The following DNHD1 variants were observed in gnomAD, a reference collection of about 807,000 sequenced individuals.
The protein encoded by DNHD1 is dynein heavy chain domain-containing protein 1.
In DNHD1, 383 loss-of-function variants were observed where a neutral mutation model predicts 458.1. The ratio of observed to expected loss-of-function variants is 0.84; its 90% confidence interval spans 0.77 to 0.91. The LOEUF (loss-of-function observed/expected upper bound fraction) is 0.91. Among genes scored for constraint, DNHD1 ranks in the 40% least tolerant of loss-of-function variants. The pLI, the probability that DNHD1 is intolerant of heterozygous loss-of-function variation, is 0.00. For missense variants in DNHD1, 5,336 were observed against 5,866.1 expected, an observed-to-expected ratio of 0.91 and a Z score of 2.95; for synonymous variants, 2,203 against 2,376.9, an observed-to-expected ratio of 0.93 and a Z score of 2.13.
At position 6,563,060 on chromosome 11, in the gene DNHD1, G is replaced by A; in HGVS notation, c.9598G>A (p.Glu3200Lys). The change falls in exon 29 of 43, where the codon GAG becomes AAG. Residue 3200 changes from glutamate to lysine, a missense_variant. Glu to Lys is a moderately conservative substitution (Grantham distance 56, BLOSUM62 1). Transcript: ENST00000254579. ...GCAGCTGGAAGAGTGTCGGCATCAA[G>A]AGAACCTCATTGAGAACCTGGCCAG... The part of the protein sequence containing the change: ...KQQLEECRHQ[E>K]NLIENLARQR... 6.4e-7 allele frequency: 1 copy of A among 1,551,642 alleles called. No homozygotes were observed. The highest frequency in any genetic ancestry group is 1.2e-5 in the South Asian group (1 of 84,060).
rs1001587743 is a variant in DNHD1, at chr11:6,563,875, C to G, written c.10035C>G (p.Pro3345=). Residue 3345 remains proline, a synonymous_variant, in exon 31 of 43, where the codon CCC becomes CCG. Coordinates refer to ENST00000254579, the MANE Select transcript of DNHD1 (RefSeq NM_144666.3). ...GGCTGGCGCATTGCCGGGGACTGCC[C>G]ACGGACCTGCTGCTGCAGCAAGTGG... The part of the protein sequence containing the change: ...HYGLAHCRGL[P]TDLLLQQVEA... The G allele has an allele frequency of 1.9e-6, 3 of 1,551,588 alleles. No individual in the cohort carries two copies. In the African/African-American group the frequency reaches 4.1e-5, roughly 21 times the overall value.
intron 7 of DNHD1, among the ~76,000 whole-genome samples, chr11:6,516,807 C>G: frequency 6.6e-6 from 1 of 152,034 alleles, no homozygotes; most frequent in African/African-American, 2.4e-5. Context: ...ATCGTTCTCC[C>G]AAGCAGAATA....
chr11:6,520,160 T>TAATC, intron 9 of DNHD1, 58 bp downstream of exon 9: 1 of 1,612,606 alleles, frequency 6.2e-7, no homozygotes, highest in South Asian at 1.1e-5. Flanking sequence ...ATCCTCTGAG[T>TAATC]AATCAGAAGC....
intron 19 of DNHD1, among the ~76,000 whole-genome samples, 159 bp downstream of exon 19, chr11:6,544,405 A>G (rs1417748927): frequency 6.6e-6 from 1 of 152,158 alleles, no homozygotes; most frequent in African/African-American, 2.4e-5. Flanking sequence ...TCAGGTTTTT[A>G]TTCACAGTGA....
At chr11:6,539,831 C>G (rs371127630) in intron 17 of DNHD1, 45 bp from the exon 18 acceptor site, 1 of 1,532,146 alleles carries the variant, frequency 6.5e-7, no homozygotes, top group Non-Finnish European at 8.9e-7. Context: ...AGCCTGTCCC[C>G]GAAGCAGTTA....
In DNHD1 at chr11:6,545,343, T is replaced by C; in HGVS notation, c.4404T>C (p.Ala1468=). The change falls in exon 21 of 43, where the codon GCT becomes GCC. Residue 1468 remains alanine, a synonymous_variant. Coordinates refer to ENST00000254579, the MANE Select transcript of DNHD1 (RefSeq NM_144666.3). The surrounding 1 kb of genome is among the most constrained non-coding windows in gnomAD (Gnocchi z 4.9). ...TGCACATGCTGCAGGGCTGTGTGGC[T>C]GCTCGCCTTGCTCGAGGCCCATCTC... The part of the protein sequence containing the change: ...ALVHMLQGCV[A]ARLARGPSLG... The C allele has an allele frequency of 1.3e-6, 2 of 1,551,768 alleles. No homozygotes were observed. The highest frequency in any genetic ancestry group is 1.7e-6 in the Non-Finnish European group (2 of 1,147,004).
rs549943831 is a variant in DNHD1, at chr11:6,555,607, C to G, written c.7388-1076C>G. Among the ~76,000 whole-genome samples the G allele has an allele frequency of 5.3e-5, 8 of 152,246 alleles. No homozygotes were observed. The East Asian group carries it at 1.4e-3, about 26-fold the overall frequency. ...TGGGGGCTCTCAGAAAAATACTACTCAGGAATAAAATGGAACAAACTAAGG... is the reference window on the plus strand; with the variant it reads ...TGGGGGCTCTCAGAAAAATACTACTGAGGAATAAAATGGAACAAACTAAGG... On this transcript the variant is annotated intron_variant, in intron 24 of 42. Coordinates refer to ENST00000254579, the MANE Select transcript of DNHD1 (RefSeq NM_144666.3).
chr11:6,532,433 A>G (rs972098010), intron 12 of DNHD1, among the ~76,000 whole-genome samples: 6 of 152,164 alleles, frequency 3.9e-5, no homozygotes, highest in African/African-American at 1.4e-4. Context: ...TCTTTACTTT[A>G]ATCCTTAAAA....
chr11:6,522,049 A>T (rs570955389), intron 10 of DNHD1, among the ~76,000 whole-genome samples: 117 of 152,254 alleles, frequency 7.7e-4, no homozygotes, highest in Middle Eastern at 3.4e-3. Context: ...TAAATTCTTT[A>T]AAAAAATTAA....
At chr11:6,512,376 A>G (rs1852359299) in intron 7 of DNHD1, among the ~76,000 whole-genome samples, 1 of 129,158 alleles carries the variant, frequency 7.7e-6, no homozygotes, top group South Asian at 2.1e-4. Context: ...ACCCACCACC[A>G]TGCCCGGCTA....
At chr11:6,561,734 A>C (rs1349645547) in intron 28 of DNHD1, among the ~76,000 whole-genome samples, 1 of 152,236 alleles carries the variant, frequency 6.6e-6, no homozygotes, top group Non-Finnish European at 1.5e-5. Context: ...TTGATGCCTG[A>C]AAGTTAGGTC....
intron 7 of DNHD1, 94 bp downstream of exon 7, chr11:6,511,523 T>C (rs1852335671): frequency 4.7e-6 from 7 of 1,496,890 alleles, no homozygotes; most frequent in East Asian, 2.3e-5. Flanking sequence ...TGGAATCCAC[T>C]GTATGACCTG....
chr11:6,531,253 A>G (rs1184449822), intron 12 of DNHD1, among the ~76,000 whole-genome samples: 1 of 152,168 alleles, frequency 6.6e-6, no homozygotes, highest in East Asian at 1.9e-4. Flanking sequence ...GCGTAATTAT[A>G]CACTCTGACG....
chr11:6,520,340 G>C (rs370025723), intron 10 of DNHD1, 51 bp downstream of exon 10: 4 of 1,551,360 alleles, frequency 2.6e-6, no homozygotes. Flanking sequence ...GAGGGAAAGG[G>C]CACAAGTACT....
At chr11:6,504,977 C>G (rs1268820047) in intron 4 of DNHD1, among the ~76,000 whole-genome samples, 1 of 151,906 alleles carries the variant, frequency 6.6e-6, no homozygotes, top group Non-Finnish European at 1.5e-5. Flanking sequence ...ACCACAGGTG[C>G]CTACAACCAT....
rs1224421093 is a variant in DNHD1 at position 6,498,763 on chromosome 11, C to T, written c.548C>T (p.Thr183Ile). The T allele has an allele frequency of 1.2e-6, 2 of 1,614,062 alleles. No individual in the cohort carries two copies. Among genetic ancestry groups the T allele is most frequent in the African/African-American group, 2.7e-5 (2 of 74,944 alleles). Residue 183 changes from threonine to isoleucine, a missense_variant, in exon 3 of 43, where the codon ACC (threonine) becomes ATC (isoleucine). Thr to Ile is a moderately conservative substitution (Grantham distance 89). Coordinates refer to ENST00000254579, the MANE Select transcript of DNHD1 (RefSeq NM_144666.3). ...CAGCAAGTAAAGGAGGAGCTGGCCACCTGGCTGCGACCATTGACACTGCCT... is the reference window on the plus strand; with the variant it reads ...CAGCAAGTAAAGGAGGAGCTGGCCATCTGGCTGCGACCATTGACACTGCCT... ...SRQQVKEELA[T>I]WLRPLTLPEL... is the part of the protein sequence containing the mutation.
At position 6,557,333 on chromosome 11, in the gene DNHD1, T is replaced by C; in HGVS notation, c.8038T>C (p.Phe2680Leu). 6.4e-7 allele frequency: 1 copy of C among 1,551,506 alleles called. No homozygotes were observed. The highest frequency in any genetic ancestry group is 1.2e-5 in the South Asian group (1 of 84,054). ...KLLLVVAQSV[F>L]CCGPGPQHLG... is the part of the protein sequence containing the mutation. ...GCTCCTAGTAGTAGCTCAAAGTGTC[T>C]TCTGCTGTGGGCCAGGGCCCCAGCA... Residue 2680 changes from phenylalanine (F) to leucine (L), a missense_variant, in exon 25 of 43, where the codon TTC becomes CTC. By Grantham distance (22) the Phe-to-Leu change is conservative. Transcript: ENST00000254579.
rs367958360 is a variant in DNHD1 at position 6,510,088 on chromosome 11, A to ATTT, written c.1235+827_1235+829dup. ...TTCAACCAAATTTTAACTCAAAAGA[A>ATTT]TTTTTTTTTTTTTAAATGGAGTTTC... On this transcript the variant is annotated intron_variant, in intron 6 of 42. Coordinates refer to ENST00000254579, the MANE Select transcript of DNHD1 (RefSeq NM_144666.3). Among the ~76,000 whole-genome samples, 1,025 of 148,448 alleles carry ATTT rather than the reference A, an allele frequency of 6.9e-3. 9 individuals are homozygous for ATTT. Among genetic ancestry groups the ATTT allele is most frequent in the Non-Finnish European group, 0.011 (757 of 66,872 alleles).
At chr11:6,543,733 G>A (rs1366307803) in intron 18 of DNHD1, among the ~76,000 whole-genome samples, 1 of 152,058 alleles carries the variant, frequency 6.6e-6, no homozygotes, top group Non-Finnish European at 1.5e-5. Flanking sequence ...GCTGAGGTGG[G>A]TGGATCACCT....
Sources: allele counts gnomAD v4.1 joint callset (sites outside exome capture counted in the v4.1 genomes callset), GRCh38; gene constraint gnomAD v4.1.1; non-coding constraint Gnocchi (gnomAD v3.1); transcripts MANE v1.5; gene names NCBI Gene and HGNC (gene_info 2026-07-23, HGNC 2026-07-21).